Variants in EHF observed in about 807,000 individuals in gnomAD.
EHF encodes ETS homologous factor.
In EHF, 14 loss-of-function variants were observed where a neutral mutation model predicts 45.1. The ratio of observed to expected loss-of-function variants is 0.31; its 90% confidence interval spans 0.21 to 0.49. The LOEUF is 0.49. Ranked by LOEUF, EHF falls within the 20% of genes least tolerant of loss-of-function variation. The probability of loss-of-function intolerance (pLI) is 0.99; values close to 1 mark genes in which losing one functional copy is unlikely to be tolerated. For synonymous variants in EHF, 136 were observed against 131.8 expected, an observed-to-expected ratio of 1.03 and a Z score of -0.22; for missense variants, 282 against 371.4, an observed-to-expected ratio of 0.76 and a Z score of 1.98.
chr11:34,654,521 C>T (rs904878685), intron 6 of EHF, among the ~76,000 whole-genome samples: 1 of 152,178 alleles, frequency 6.6e-6, no homozygotes, highest in African/African-American at 2.4e-5. Context: ...GCTTATTCCC[C>T]TTTATGATGA....
At chr11:34,657,696 A>G (rs920243960) in intron 7 of EHF, among the ~76,000 whole-genome samples, 6 of 152,026 alleles carry the variant, frequency 3.9e-5, no homozygotes, top group African/African-American at 9.7e-5. Flanking sequence ...AGACTGAGGC[A>G]GGAGGATTGC....
At chr11:34,638,500 A>G (rs1315732004) in intron 1 of EHF, among the ~76,000 whole-genome samples, 4 of 152,126 alleles carry the variant, frequency 2.6e-5, no homozygotes, top group Admixed American at 6.5e-5. Context: ...GGGACAGCCT[A>G]AGTTTGTCAC....
At chr11:34,658,064 C>T (rs1855831090) in intron 7 of EHF, among the ~76,000 whole-genome samples, 2 of 152,214 alleles carry the variant, frequency 1.3e-5, no homozygotes, top group African/African-American at 4.8e-5. Context: ...ATTCTAGACC[C>T]TTACTGATTT....
rs1189176254 is a variant in EHF, at chr11:34,660,216, A to G, written c.*1285A>G. On this transcript the variant is annotated 3_prime_UTR_variant, in exon 9 of 9. Transcript: ENST00000257831. ...AATGTCAGATAAAGTAAGCATAGTAATGTAGCAGGAACTACAATAGAAGAC... is the reference window on the plus strand; with the variant it reads ...AATGTCAGATAAAGTAAGCATAGTAGTGTAGCAGGAACTACAATAGAAGAC... 2.0e-5 allele frequency: 3 copies of G among 152,194 alleles called. No homozygotes were observed. The highest frequency in any genetic ancestry group is 7.2e-5 in the African/African-American group (3 of 41,446). 9.4% of individuals were successfully genotyped at this position (152,194 alleles called of 1,614,324 possible). A position where few individuals can be genotyped will look rare whatever the true frequency, so the allele number is the denominator to read the frequency against.
In EHF at chr11:34,651,629, C is replaced by A; in HGVS notation, c.475+19C>A. On this transcript the variant is annotated intron_variant, in intron 5 of 8. Coordinates refer to ENST00000257831, the MANE Select transcript of EHF (RefSeq NM_012153.6). ...ACAGTAGGTAACTAACTCCCTGACA[C>A]TTAAGGCCCTTTACATTCTTATTCA... 6.2e-7 allele frequency: 1 copy of A among 1,611,158 alleles called. No homozygotes were observed. The highest frequency in any genetic ancestry group is 1.1e-5 in the South Asian group (1 of 91,030).
intron 1 of EHF, among the ~76,000 whole-genome samples, chr11:34,625,667 G>A (rs926450746): frequency 2.0e-5 from 3 of 152,180 alleles, no homozygotes; most frequent in African/African-American, 7.2e-5. Flanking sequence ...GGCTCCTAGG[G>A]TTTTAATTGA....
chr11:34,651,659 G>A (rs755368548), intron 5 of EHF, 49 bp downstream of exon 5: 3 of 1,608,692 alleles, frequency 1.9e-6, no homozygotes, highest in Non-Finnish European at 2.6e-6. Flanking sequence ...TATTCAGTTT[G>A]TCTAAGAGCC....
At chr11:34,640,127 G>C (rs1307402422) in intron 1 of EHF, among the ~76,000 whole-genome samples, 1 of 151,888 alleles carries the variant, frequency 6.6e-6, no homozygotes, top group Admixed American at 6.6e-5. Context: ...GGTACAGAAA[G>C]TGAGGAACAG....
At chr11:34,657,015 A>G (rs1323826694) in intron 7 of EHF, 45 bp downstream of exon 7, 1 of 1,607,700 alleles carries the variant, frequency 6.2e-7, no homozygotes, top group South Asian at 1.1e-5. Flanking sequence ...TTCCCATCAC[A>G]TCGGGCACAT....
chr11:34,658,503 TTAG>T (rs747269254), intron 7 of EHF, 27 bp from the exon 8 acceptor site: 425 of 1,596,276 alleles, frequency 2.7e-4, no homozygotes, highest in Non-Finnish European at 3.4e-4. Context: ...ACTTAGATCA[TTAG>T]TAACCTGCCT....
chr11:34,649,079 C>G lies in EHF; in HGVS notation c.404C>G (p.Thr135Ser). The change falls in exon 4 of 9, where the codon ACT becomes AGT. Residue 135 changes from threonine (T) to serine (S), a missense_variant and splice_region_variant. Thr to Ser is a moderately conservative substitution (Grantham distance 58). This residue lies in a region of EHF where 213 missense variants were observed against 247.3 expected (regional missense o/e 0.86). Coordinates refer to ENST00000257831, the MANE Select transcript of EHF (RefSeq NM_012153.6). ...AATGTCATTGTCAAGACTGAACAAA[C>G]TGGTGAGTAGTAGTGGACAAAGGGA... The part of the protein sequence containing the change: ...THNVIVKTEQ[T>S]EPSIMNTWKD... The G allele has an allele frequency of 6.2e-7, 1 of 1,613,806 alleles. No homozygotes were observed.
At chr11:34,637,015 GCGAAA>G (rs1853489009) in intron 1 of EHF, among the ~76,000 whole-genome samples, 4 of 131,954 alleles carry the variant, frequency 3.0e-5, no homozygotes, top group Non-Finnish European at 6.2e-5. Flanking sequence ...GGCAACAAGA[GCGAAA>G]CTTCATCTCA....
intron 1 of EHF, among the ~76,000 whole-genome samples, chr11:34,635,605 T>G (rs533111968): frequency 1.3e-5 from 2 of 152,030 alleles, no homozygotes; most frequent in East Asian, 3.9e-4. Flanking sequence ...TTTGCAGTAT[T>G]TGAGCATTCT....
intron 1 of EHF, among the ~76,000 whole-genome samples, chr11:34,623,316 C>A (rs1222055784): frequency 6.6e-6 from 1 of 152,102 alleles, no homozygotes; most frequent in East Asian, 1.9e-4. Context: ...GAACTCCTGA[C>A]CTCAGGTGAT....
intron 6 of EHF, among the ~76,000 whole-genome samples, chr11:34,653,138 C>G (rs1855346531): frequency 6.8e-6 from 1 of 146,540 alleles, no homozygotes; most frequent in Non-Finnish European, 1.5e-5. Context: ...GTGTCATCTC[C>G]CACATCCTTC....
intron 1 of EHF, chr11:34,632,627 T>C (rs1237915971): frequency 6.5e-7 from 1 of 1,535,558 alleles, no homozygotes; most frequent in East Asian, 2.4e-5. Context: ...GTCCTGCTTT[T>C]AAGCCTAGCT....
chr11:34,655,224 T>C (rs1225687950), intron 6 of EHF, among the ~76,000 whole-genome samples: 2 of 152,144 alleles, frequency 1.3e-5, no homozygotes, highest in African/African-American at 4.8e-5. Flanking sequence ...AGGTTTCTTG[T>C]TTACTGAGGT....
At chr11:34,643,946 G>C (rs953378331) in intron 2 of EHF, among the ~76,000 whole-genome samples, 3 of 152,198 alleles carry the variant, frequency 2.0e-5, no homozygotes, top group African/African-American at 7.2e-5. Flanking sequence ...CTCAAAGAAA[G>C]CTCAGCCTTG....
chr11:34,628,973 C>T (rs1043499885), intron 1 of EHF, among the ~76,000 whole-genome samples: 2 of 152,208 alleles, frequency 1.3e-5, no homozygotes, highest in African/African-American at 4.8e-5. Flanking sequence ...TCCTTTTACA[C>T]TGAGCTCTGC....
Sources: allele counts gnomAD v4.1 joint callset (sites outside exome capture counted in the v4.1 genomes callset), GRCh38; gene constraint gnomAD v4.1.1; regional missense constraint gnomAD v4.1.1; transcripts MANE v1.5; gene names NCBI Gene and HGNC (gene_info 2026-07-23, HGNC 2026-07-21).